The following ZMAT4 variants were observed in gnomAD, a reference collection of about 807,000 sequenced individuals.
ZMAT4 encodes zinc finger matrin-type 4.
ZMAT4 carries 17 observed loss-of-function variants against 28.7 expected under a neutral mutation model. That is an observed-to-expected ratio of 0.59 (90% CI 0.41 to 0.89). The LOEUF (loss-of-function observed/expected upper bound fraction) is 0.89. ZMAT4 is among the 40% of genes least tolerant of loss of function. The pLI, the probability that ZMAT4 is intolerant of heterozygous loss-of-function variation, is 0.00. For missense variants in ZMAT4, 240 were observed against 283.8 expected (o/e 0.85, Z 1.11); for synonymous variants, 117 against 109.2 (o/e 1.07, Z -0.44).
chr8:40,807,946 T>A (rs757009939), intron 2 of ZMAT4, among the ~76,000 whole-genome samples: 5 of 152,234 alleles, frequency 3.3e-5, no homozygotes, highest in Non-Finnish European at 7.3e-5. Flanking sequence ...TTTTTATAAT[T>A]ATTTCTTCAA....
intron 1 of ZMAT4, among the ~76,000 whole-genome samples, chr8:40,864,245 G>T (rs564855573): frequency 1.3e-5 from 2 of 152,220 alleles, no homozygotes; most frequent in African/African-American, 4.8e-5. Context: ...AAATGACCTC[G>T]CCTGGGATTC....
intron 2 of ZMAT4, among the ~76,000 whole-genome samples, chr8:40,803,414 C>A (rs991485967): frequency 7.9e-5 from 12 of 152,112 alleles, no homozygotes; most frequent in African/African-American, 2.7e-4. Flanking sequence ...CACAACCCCA[C>A]TAAAAAATGG....
At chr8:40,541,524 G>T (rs1803027859) in intron 6 of ZMAT4, among the ~76,000 whole-genome samples, 1 of 152,228 alleles carries the variant, frequency 6.6e-6, no homozygotes, top group South Asian at 2.1e-4. Context: ...CAGTTCCTCA[G>T]TCACACTAGC....
intron 6 of ZMAT4, among the ~76,000 whole-genome samples, chr8:40,558,120 C>G (rs145022786): frequency 6.6e-6 from 1 of 152,026 alleles, no homozygotes. Flanking sequence ...GAAAGAAGGC[C>G]GGCCAGGCTG....
At chr8:40,800,431 G>A in intron 2 of ZMAT4, among the ~76,000 whole-genome samples, 1 of 152,046 alleles carries the variant, frequency 6.6e-6, no homozygotes, top group Non-Finnish European at 1.5e-5. Context: ...AACAACAGCA[G>A]AATACACATT....
chr8:40,678,725 C>T (rs1234947119), intron 4 of ZMAT4, among the ~76,000 whole-genome samples: 3 of 152,164 alleles, frequency 2.0e-5, no homozygotes, highest in Non-Finnish European at 4.4e-5. Flanking sequence ...CATTGGCTCT[C>T]TTCTAGTACA....
intron 1 of ZMAT4, among the ~76,000 whole-genome samples, chr8:40,862,044 G>C (rs570585194): frequency 2.6e-5 from 4 of 152,150 alleles, no homozygotes; most frequent in African/African-American, 9.7e-5. Context: ...TAGAAATACC[G>C]TAAGACCCAG....
At chr8:40,603,034 T>C (rs778849648) in intron 5 of ZMAT4, among the ~76,000 whole-genome samples, 18 of 152,240 alleles carry the variant, frequency 1.2e-4, no homozygotes, top group Non-Finnish European at 2.2e-4. Flanking sequence ...AGAATTGTTA[T>C]GGTTTCAGGT....
At chr8:40,710,223 C>T (rs1456628894) in intron 3 of ZMAT4, among the ~76,000 whole-genome samples, 1 of 152,018 alleles carries the variant, frequency 6.6e-6, no homozygotes, top group Non-Finnish European at 1.5e-5. Context: ...ATATGTGCTG[C>T]AATAAAGAGA....
chr8:40,690,604 T>C (rs1809619107), intron 4 of ZMAT4, among the ~76,000 whole-genome samples: 1 of 152,154 alleles, frequency 6.6e-6, no homozygotes, highest in African/African-American at 2.4e-5. Flanking sequence ...ATGAAATAAC[T>C]GCTATGGTGT....
chr8:40,717,303 T>C (rs951121845), intron 3 of ZMAT4, among the ~76,000 whole-genome samples: 2 of 152,224 alleles, frequency 1.3e-5, no homozygotes, highest in Admixed American at 1.3e-4. Context: ...ATCACATATT[T>C]ATTAGCTTTT....
At chr8:40,860,873 T>C (rs908099743) in intron 1 of ZMAT4, among the ~76,000 whole-genome samples, 3 of 152,122 alleles carry the variant, frequency 2.0e-5, no homozygotes, top group South Asian at 2.1e-4. Context: ...CCTGGCCCTA[T>C]GTGAGCCCTT....
intron 5 of ZMAT4, among the ~76,000 whole-genome samples, chr8:40,665,202 TCAAAAAAA>T (rs1808355906): frequency 6.6e-6 from 1 of 151,786 alleles, no homozygotes; most frequent in African/African-American, 2.4e-5. Flanking sequence ...CAAGACTGTC[TCAAAAAAA>T]CAAACAACAA....
chr8:40,703,714 T>C (rs1810240813), intron 3 of ZMAT4, among the ~76,000 whole-genome samples: 1 of 152,180 alleles, frequency 6.6e-6, no homozygotes, highest in Non-Finnish European at 1.5e-5. Context: ...AATTTTATAC[T>C]TTAAAAATAG....
At chr8:40,763,144 T>C (rs540376284) in intron 3 of ZMAT4, among the ~76,000 whole-genome samples, 1 of 152,284 alleles carries the variant, frequency 6.6e-6, no homozygotes, top group African/African-American at 2.4e-5. Context: ...GTAGCACTTA[T>C]CATGCTGCAT....
At chr8:40,740,013 T>A (rs765091888) in intron 3 of ZMAT4, among the ~76,000 whole-genome samples, 24 of 152,218 alleles carry the variant, frequency 1.6e-4, no homozygotes, top group Non-Finnish European at 2.8e-4. Context: ...ATGGTGTATA[T>A]GTTGCCACAT....
intron 1 of ZMAT4, among the ~76,000 whole-genome samples, chr8:40,861,661 A>G (rs1183635989): frequency 6.6e-6 from 1 of 152,224 alleles, no homozygotes; most frequent in Non-Finnish European, 1.5e-5. Context: ...AGTTTTTGCA[A>G]TCTACTCATC....
chr8:40,726,220 A>T (rs1245928506), intron 3 of ZMAT4, among the ~76,000 whole-genome samples: 1 of 152,222 alleles, frequency 6.6e-6, no homozygotes, highest in Non-Finnish European at 1.5e-5. Context: ...AAGTCGGAAC[A>T]TGTTGCCTTT....
intron 1 of ZMAT4, among the ~76,000 whole-genome samples, chr8:40,855,670 T>C (rs1276024848): frequency 6.8e-6 from 1 of 146,492 alleles, no homozygotes; most frequent in Non-Finnish European, 1.5e-5. Flanking sequence ...GTCATTCTGT[T>C]CACCAAAACT....
Sources: allele counts gnomAD v4.1 joint callset (sites outside exome capture counted in the v4.1 genomes callset), GRCh38; gene constraint gnomAD v4.1.1; transcripts MANE v1.5; gene names NCBI Gene and HGNC (gene_info 2026-07-23, HGNC 2026-07-21).